Variants in ALDH7A1 observed in about 807,000 individuals in gnomAD.
ALDH7A1 encodes alpha-aminoadipic semialdehyde dehydrogenase.
In ALDH7A1, 63 loss-of-function variants were observed where a neutral mutation model predicts 79.9. The ratio of observed to expected loss-of-function variants is 0.79; its 90% confidence interval spans 0.64 to 0.97. The LOEUF (loss-of-function observed/expected upper bound fraction) is 0.97. Ranked by LOEUF, ALDH7A1 falls within the 50% of genes least tolerant of loss-of-function variation. ALDH7A1 has a pLI of 0.00. For missense variants in ALDH7A1, 627 were observed against 665.2 expected (o/e 0.94, Z 0.63); for synonymous variants, 240 against 231.2 (o/e 1.04, Z -0.34).
In ALDH7A1 at chr5:126,568,303, G is replaced by T; in HGVS notation, c.827C>A (p.Thr276Asn). 1 of 1,614,132 alleles carries T rather than the reference G, an allele frequency of 6.2e-7. No individual in the cohort carries two copies. Among genetic ancestry groups the T allele is most frequent in the Non-Finnish European group, 8.5e-7 (1 of 1,180,010 alleles). ...RVNLLSFTGS[T>N]QVGKQVGLMV... ...CAGGCCCACCTGTTTTCCCACCTGA[G>T]TGCTCCCAGTGAAGGACAGCAGGTT... Residue 276 changes from threonine (T) to asparagine (N), a missense_variant, in exon 9 of 18, where the codon ACT becomes AAT. By Grantham distance (65) the Thr-to-Asn change is moderately conservative. Transcript: ENST00000409134.
intron 10 of ALDH7A1, among the ~76,000 whole-genome samples, chr5:126,559,605 G>C (rs113623601): frequency 6.6e-6 from 1 of 151,892 alleles, no homozygotes; most frequent in Non-Finnish European, 1.5e-5. Context: ...GCTAATTTTT[G>C]TCTTTTTAGT....
intron 9 of ALDH7A1, among the ~76,000 whole-genome samples, chr5:126,563,635 C>T (rs886663225): frequency 6.6e-6 from 1 of 152,118 alleles, no homozygotes; most frequent in Non-Finnish European, 1.5e-5. Flanking sequence ...GGACTACAGG[C>T]ATGCACCATC....
At chr5:126,564,357 A>G (rs532314158) in intron 9 of ALDH7A1, 3 of 371,252 alleles carry the variant, frequency 8.1e-6, no homozygotes, top group African/African-American at 6.3e-5. Context: ...CATGTAGCCC[A>G]GGCTGGTCTT....
intron 8 of ALDH7A1, 85 bp downstream of exon 8, chr5:126,570,697 G>T: frequency 7.8e-7 from 1 of 1,276,876 alleles, no homozygotes; most frequent in Non-Finnish European, 1.1e-6. Context: ...TTAGTTATAA[G>T]TGAGTTCATT....
At chr5:126,571,835 C>G (rs573077599) in intron 7 of ALDH7A1, among the ~76,000 whole-genome samples, 53 of 152,160 alleles carry the variant, frequency 3.5e-4, no homozygotes, top group Admixed American at 3.3e-3. Context: ...TCCCCAAAAC[C>G]TAAAGTAAAT....
Position 126,544,992 on chromosome 5 carries a change from AG to A in ALDH7A1, c.1592del (p.Pro531LeufsTer20). ...TCTINYSKDL[P>X]LAQGIKFQ ...ACTGAAACTTGATTCCTTGGGCCAG[AG>A]GAAGGTCTTTACTGTAGTTGATAGT... On this transcript the variant is annotated frameshift_variant, in exon 18 of 18. Transcript: ENST00000409134. LOFTEE classifies it high-confidence loss of function. 2.5e-6 allele frequency: 4 copies of A among 1,610,768 alleles called. No homozygotes were observed. The highest frequency in any genetic ancestry group is 3.4e-6 in the Non-Finnish European group (4 of 1,177,008).
intron 8 of ALDH7A1, 64 bp from the exon 9 acceptor site, chr5:126,568,420 G>A: frequency 3.7e-6 from 5 of 1,335,540 alleles, no homozygotes; most frequent in Non-Finnish European, 4.3e-6. Flanking sequence ...AACATCTAAT[G>A]GTACCCAGCA....
At chr5:126,594,739 C>T (rs1055306787) in intron 1 of ALDH7A1, among the ~76,000 whole-genome samples, 4 of 152,092 alleles carry the variant, frequency 2.6e-5, no homozygotes, top group African/African-American at 9.7e-5. Flanking sequence ...AGCCACCGCG[C>T]CCGGTAGACC....
chr5:126,562,007 C>T (rs1043761439), intron 9 of ALDH7A1: 4 of 151,988 alleles, frequency 2.6e-5, no homozygotes, highest in Non-Finnish European at 4.4e-5. Flanking sequence ...ACCACATGAC[C>T]GAGCAATTCC....
chr5:126,582,973 A>C lies in ALDH7A1; in HGVS notation c.395T>G (p.Val132Gly). The C allele has an allele frequency of 6.2e-7, 1 of 1,614,008 alleles. No homozygotes were observed. Among genetic ancestry groups the C allele is most frequent in the Non-Finnish European group, 8.5e-7 (1 of 1,179,958 alleles). ...TAAGATTTTCCCCATCTCCAAAGAC[A>C]CCTAGAAATATAAAACGACAAGCAG... The part of the protein sequence containing the change: ...REKIQVLGSL[V>G]SLEMGKILVE... Residue 132 changes from valine (V) to glycine (G), a missense_variant and splice_region_variant, in exon 5 of 18, where the codon GTG becomes GGG. By Grantham distance (109) the Val-to-Gly change is moderately radical. Coordinates refer to ENST00000409134, the MANE Select transcript of ALDH7A1 (RefSeq NM_001182.5).
intron 15 of ALDH7A1, 44 bp downstream of exon 15, chr5:126,550,152 A>G: frequency 6.3e-7 from 1 of 1,585,774 alleles, no homozygotes; most frequent in East Asian, 2.2e-5. Context: ...CACTCACCAC[A>G]TAAATCAGAC....
chr5:126,577,727 C>CA (rs1368549918), intron 5 of ALDH7A1, among the ~76,000 whole-genome samples: 1 of 151,950 alleles, frequency 6.6e-6, no homozygotes, highest in Non-Finnish European at 1.5e-5. Context: ...CCACCATGCC[C>CA]AGCTAATTTT....
chr5:126,563,294 G>T (rs1043119265), intron 9 of ALDH7A1, among the ~76,000 whole-genome samples: 2 of 151,882 alleles, frequency 1.3e-5, no homozygotes, highest in Non-Finnish European at 2.9e-5. Context: ...ATTTTCTGAT[G>T]TCTTACACCT....
At position 126,546,339 on chromosome 5, in the gene ALDH7A1, A is replaced by G. The variant is rs773694788; in HGVS notation, c.1550T>C (p.Met517Thr). The change falls in exon 17 of 18, where the codon ATG becomes ACG. Residue 517 changes from methionine (M) to threonine (T), a missense_variant. Physicochemically the swap from Met to Thr is moderately conservative, Grantham distance 81. Transcript: ENST00000409134. ...CTTTTCTTACCAAGTAGACCTTCTCATGTACTGTTTCCAGGCATCACTGCC... is the reference window on the plus strand; with the variant it reads ...CTTTTCTTACCAAGTAGACCTTCTCGTGTACTGTTTCCAGGCATCACTGCC... The part of the protein sequence containing the change: ...ESGSDAWKQY[M>T]RRSTCTINYS... The G allele has an allele frequency of 1.9e-6, 3 of 1,614,184 alleles. No individual in the cohort carries two copies. The highest frequency in any genetic ancestry group is 2.5e-6 in the Non-Finnish European group (3 of 1,180,028).
chr5:126,573,867 T>TA lies in ALDH7A1; in HGVS notation c.695+1552dup, dbSNP rs1267639375. On this transcript the variant is annotated intron_variant, in intron 7 of 17. Coordinates refer to ENST00000409134, the MANE Select transcript of ALDH7A1 (RefSeq NM_001182.5). ...GGGCGACAGAGCAAGACTCTGTCTT[T>TA]AAAAAAAAAAAAATTAGCCCGGCGT... is the stretch of plus-strand genomic sequence containing the variant. Among the ~76,000 whole-genome samples the TA allele has an allele frequency of 3.8e-3, 510 of 135,082 alleles. 5 individuals are homozygous for TA. The highest frequency in any genetic ancestry group is 0.012 in the African/African-American group (427 of 36,620). 88.6% of individuals were successfully genotyped at this position (135,082 alleles called of 152,430 possible).
At chr5:126,575,251 T>C (rs1289391444) in intron 7 of ALDH7A1, among the ~76,000 whole-genome samples, 169 bp downstream of exon 7, 1 of 152,190 alleles carries the variant, frequency 6.6e-6, no homozygotes, top group Non-Finnish European at 1.5e-5. Flanking sequence ...TTAAATGACA[T>C]GGCACTGAAA....
chr5:126,558,159 T>A (rs2112766423), intron 11 of ALDH7A1, among the ~76,000 whole-genome samples: 2 of 85,772 alleles, frequency 2.3e-5, no homozygotes, highest in South Asian at 4.5e-4. Flanking sequence ...AGAGCGAGAC[T>A]CCAACTCAAA....
At chr5:126,592,412 A>C (rs938371739) in intron 3 of ALDH7A1, 29 of 541,128 alleles carry the variant, frequency 5.4e-5, no homozygotes, top group Non-Finnish European at 8.9e-5. Flanking sequence ...AGTTTATACT[A>C]TACCAGCACA....
chr5:126,575,511 G>A (rs1189020383), intron 6 of ALDH7A1, 47 bp from the exon 7 acceptor site: 45 of 1,539,408 alleles, frequency 2.9e-5, no homozygotes, highest in African/African-American at 8.2e-5. Context: ...CTTATTTGAC[G>A]GAAACCATAA....
Sources: allele counts gnomAD v4.1 joint callset (sites outside exome capture counted in the v4.1 genomes callset), GRCh38; gene constraint gnomAD v4.1.1; transcripts MANE v1.5; gene names NCBI Gene and HGNC (gene_info 2026-07-23, HGNC 2026-07-21).